HPSE2: variants seen among roughly 807,000 people sequenced by gnomAD.
HPSE2 encodes the protein inactive heparanase-2.
HPSE2 carries 38 observed loss-of-function variants against 60.5 expected under a neutral mutation model. The ratio of observed to expected loss-of-function variants is 0.63; its 90% CI spans 0.48 to 0.82. The LOEUF is 0.82. HPSE2 is among the 40% of genes least tolerant of loss of function. The probability of loss-of-function intolerance (pLI) is 0.00; values close to 1 mark genes in which losing one functional copy is unlikely to be tolerated. For synonymous variants in HPSE2, 295 were observed against 293.2 expected (o/e 1.01, Z -0.06); for missense variants, 713 against 740.4 (o/e 0.96, Z 0.43).
At chr10:99,299,619 C>T in the HPSE2 span, among the ~76,000 whole-genome samples, 11 of 152,180 alleles carry the variant, frequency 7.2e-5, no homozygotes, top group African/African-American at 2.6e-4. Flanking sequence ...TGCCATGTAT[C>T]GTGTGGGAAG....
At chr10:98,575,709 C>G (rs1373726553) in intron 9 of HPSE2, among the ~76,000 whole-genome samples, 1 of 152,166 alleles carries the variant, frequency 6.6e-6, no homozygotes, top group Non-Finnish European at 1.5e-5. Flanking sequence ...AACAAAACAT[C>G]ATGTCTTCTG....
intron 9 of HPSE2, among the ~76,000 whole-genome samples, chr10:98,603,700 T>C (rs1379390533): frequency 2.6e-5 from 4 of 152,070 alleles, no homozygotes; most frequent in Non-Finnish European, 4.4e-5. Flanking sequence ...AGTGCTGGGA[T>C]TACAGGTGTG....
intron 3 of HPSE2, among the ~76,000 whole-genome samples, chr10:99,098,801 TTAA>T (rs1360425749): frequency 6.6e-6 from 1 of 152,188 alleles, no homozygotes; most frequent in Non-Finnish European, 1.5e-5. Flanking sequence ...ACATACGATG[TTAA>T]TAATATTTTA....
chr10:99,239,966 A>C (rs1175145878), upstream of HPSE2, among the ~76,000 whole-genome samples: 7 of 152,020 alleles, frequency 4.6e-5, no homozygotes, highest in African/African-American at 1.7e-4. Flanking sequence ...AGGTGGGTGG[A>C]TCACCTGAGG....
At chr10:99,054,401 T>C (rs1294904274) in intron 3 of HPSE2, among the ~76,000 whole-genome samples, 1 of 152,138 alleles carries the variant, frequency 6.6e-6, no homozygotes, top group African/African-American at 2.4e-5. Context: ...AATGCTACAC[T>C]ATAGAAGTAA....
intron 6 of HPSE2, among the ~76,000 whole-genome samples, chr10:98,652,636 A>G (rs1044355444): frequency 6.6e-6 from 1 of 152,116 alleles, no homozygotes; most frequent in Non-Finnish European, 1.5e-5. Flanking sequence ...CTCCACTTCC[A>G]TTCTCCAGGC....
chr10:99,151,388 G>A (rs997256186), intron 2 of HPSE2, among the ~76,000 whole-genome samples: 2 of 152,116 alleles, frequency 1.3e-5, no homozygotes, highest in Admixed American at 6.5e-5. Context: ...TGCATAACGG[G>A]AGTCCTACAA....
At chr10:99,267,255 GA>G in the HPSE2 span, among the ~76,000 whole-genome samples, 1 of 151,966 alleles carries the variant, frequency 6.6e-6, no homozygotes, top group East Asian at 1.9e-4. Flanking sequence ...GATACAAGGG[GA>G]AAAATCCTCA....
At chr10:98,513,999 C>G (rs934550206) in intron 9 of HPSE2, among the ~76,000 whole-genome samples, 2 of 151,972 alleles carry the variant, frequency 1.3e-5, no homozygotes, top group Non-Finnish European at 2.9e-5. Flanking sequence ...GTGAAAACAG[C>G]CCAAGAGTCC....
intron 3 of HPSE2, among the ~76,000 whole-genome samples, chr10:99,031,092 T>C (rs1304562849): frequency 3.9e-5 from 6 of 152,170 alleles, no homozygotes; most frequent in Non-Finnish European, 8.8e-5. Flanking sequence ...AACAGGTTTC[T>C]ATAGTCAATA....
the HPSE2 span, among the ~76,000 whole-genome samples, chr10:99,277,384 C>T: frequency 3.3e-5 from 5 of 152,090 alleles, no homozygotes; most frequent in South Asian, 4.1e-4. Flanking sequence ...AAAAAGTAAA[C>T]GAAAATAAGG....
At chr10:99,047,725 G>C in intron 3 of HPSE2, 1 of 848,502 alleles carries the variant, frequency 1.2e-6, no homozygotes, top group Non-Finnish European at 2.0e-6. Flanking sequence ...CAGAGCTGAA[G>C]ATCAAGTGCC....
chr10:98,771,070 T>C (rs938901582), intron 3 of HPSE2, among the ~76,000 whole-genome samples: 1 of 152,084 alleles, frequency 6.6e-6, no homozygotes, highest in African/African-American at 2.4e-5. Context: ...AAAATTATAT[T>C]GAGGCCCTGG....
At chr10:99,144,202 A>G (rs1359018980) in intron 3 of HPSE2, 36 bp downstream of exon 3, 1 of 1,608,556 alleles carries the variant, frequency 6.2e-7, no homozygotes, top group South Asian at 1.1e-5. Flanking sequence ...TACTAACTGA[A>G]TGCTCTAAGA....
At chr10:98,733,032 A>T (rs529432536) in intron 4 of HPSE2, among the ~76,000 whole-genome samples, 1 of 152,338 alleles carries the variant, frequency 6.6e-6, no homozygotes, top group African/African-American at 2.4e-5. Flanking sequence ...ATTAGTCACT[A>T]GGGAAGAGCA....
intron 9 of HPSE2, among the ~76,000 whole-genome samples, chr10:98,599,901 T>C (rs1346834913): frequency 6.6e-6 from 1 of 152,162 alleles, no homozygotes; most frequent in Non-Finnish European, 1.5e-5. Context: ...CAGCCTTCTT[T>C]TTTGGCTAAT....
intron 4 of HPSE2, among the ~76,000 whole-genome samples, chr10:98,741,558 T>C (rs928702723): frequency 3.4e-5 from 5 of 146,324 alleles, no homozygotes; most frequent in African/African-American, 1.2e-4. Flanking sequence ...ATCACTCCAA[T>C]TATGCCAGTT....
At chr10:98,744,588 C>A (rs190018333) in intron 3 of HPSE2, among the ~76,000 whole-genome samples, 4 of 152,080 alleles carry the variant, frequency 2.6e-5, no homozygotes, top group Admixed American at 1.3e-4. Context: ...AGAGAGAATT[C>A]CAGACAGAGG....
chr10:98,592,562 G>A (rs1945119476), intron 9 of HPSE2, among the ~76,000 whole-genome samples: 1 of 152,162 alleles, frequency 6.6e-6, no homozygotes, highest in African/African-American at 2.4e-5. Flanking sequence ...AGTTAAAGAA[G>A]TAAAGACCTG....
Sources: gnomAD v4.1 joint callset for allele counts (sites outside exome capture counted in the v4.1 genomes callset) on GRCh38, gnomAD v4.1.1 for gene constraint, MANE v1.5 for transcripts, NCBI Gene and HGNC (gene_info 2026-07-23, HGNC 2026-07-21) for gene names.